EML4: variants seen among roughly 807,000 people sequenced by gnomAD.
EML4 encodes the protein echinoderm microtubule-associated protein-like 4.
A neutral mutation model predicts 129.0 loss-of-function variants in EML4; 72 were observed. That is an observed-to-expected ratio of 0.56 (90% CI 0.46 to 0.68). EML4 has a LOEUF of 0.68. Among genes scored for constraint, EML4 ranks in the 30% least tolerant of loss-of-function variants. EML4 has a pLI of 0.00. For synonymous variants in EML4, 532 were observed against 405.0 expected (o/e 1.31, Z -3.77); for missense variants, 1,363 against 1,190.6 (o/e 1.14, Z -2.13).
intron 1 of EML4, among the ~76,000 whole-genome samples, chr2:42,176,482 G>A (rs1670611528): frequency 6.6e-6 from 1 of 152,108 alleles, no homozygotes; most frequent in South Asian, 2.1e-4. Flanking sequence ...CAAGTCCTCT[G>A]TCATCTCTTT....
intron 9 of EML4, among the ~76,000 whole-genome samples, chr2:42,285,482 T>C (rs1667242472): frequency 6.6e-6 from 1 of 152,208 alleles, no homozygotes; most frequent in South Asian, 2.1e-4. Flanking sequence ...TAGCAGTTTA[T>C]TGGACATTGA....
At chr2:42,281,218 C>G (rs975036266) in intron 7 of EML4, among the ~76,000 whole-genome samples, 1 of 151,878 alleles carries the variant, frequency 6.6e-6, no homozygotes, top group Admixed American at 6.6e-5. Context: ...ATTGTGAAAC[C>G]CCATCTCTAC....
chr2:42,232,002 A>AT (rs200787419), intron 1 of EML4, among the ~76,000 whole-genome samples: 263 of 150,812 alleles, frequency 1.7e-3, no homozygotes, highest in African/African-American at 5.4e-3. Context: ...TCTGGCAGTA[A>AT]TTTTTTTTTT....
At chr2:42,204,239 T>G (rs1211476605) in intron 1 of EML4, among the ~76,000 whole-genome samples, 3 of 152,122 alleles carry the variant, frequency 2.0e-5, no homozygotes, top group African/African-American at 7.2e-5. Context: ...TTAAAAAAAA[T>G]TAGAAGTTTT....
chr2:42,264,658 G>C (rs776800222), intron 5 of EML4, 48 bp from the exon 6 acceptor site: 1 of 1,048,642 alleles, frequency 9.5e-7, no homozygotes, highest in Non-Finnish European at 1.4e-6. Context: ...TTAATGGTTA[G>C]CCATATAAAC....
chr2:42,293,355 C>A (rs748032543), intron 11 of EML4, among the ~76,000 whole-genome samples: 3 of 152,154 alleles, frequency 2.0e-5, no homozygotes, highest in African/African-American at 7.2e-5. Context: ...CCCACCTTGG[C>A]CACCCAAAGC....
chr2:42,251,252 A>C (rs985398177), intron 2 of EML4, among the ~76,000 whole-genome samples: 2 of 152,220 alleles, frequency 1.3e-5, no homozygotes, highest in African/African-American at 4.8e-5. Flanking sequence ...ATATCTAACA[A>C]ACCTAAACAT....
chr2:42,225,817 T>C (rs1673923867), intron 1 of EML4, among the ~76,000 whole-genome samples: 1 of 152,178 alleles, frequency 6.6e-6, no homozygotes, highest in Non-Finnish European at 1.5e-5. Context: ...ATTTCTTACA[T>C]ATGTTAATTT....
intron 1 of EML4, among the ~76,000 whole-genome samples, chr2:42,243,004 C>A (rs1301992674): frequency 6.6e-6 from 1 of 152,080 alleles, no homozygotes; most frequent in African/African-American, 2.4e-5. Flanking sequence ...TCTCGAACTC[C>A]TGGGATCAAG....
intron 1 of EML4, among the ~76,000 whole-genome samples, chr2:42,229,382 C>T (rs1674177419): frequency 3.3e-5 from 5 of 152,094 alleles, no homozygotes; most frequent in South Asian, 4.1e-4. Flanking sequence ...TTTTAAATCC[C>T]AGACAGTCTA....
rs1459670909 is a variant in EML4 at position 42,169,586 on chromosome 2, C to G, written c.-26C>G. 3 of 1,598,064 alleles carry G rather than the reference C, an allele frequency of 1.9e-6. No individual in the cohort carries two copies. ...GAATGAAGTGCCCGCCCCTCTAAGC[C>G]CGGAGCCCGGCGCTTTCCCCGCAAG... On this transcript the variant is annotated 5_prime_UTR_variant, in exon 1 of 23. Transcript: ENST00000318522.
At chr2:42,263,002 T>A (rs1244853430) in intron 4 of EML4, among the ~76,000 whole-genome samples, 176 bp from the exon 5 acceptor site, 1 of 152,222 alleles carries the variant, frequency 6.6e-6, no homozygotes, top group Non-Finnish European at 1.5e-5. Context: ...AATACAGATT[T>A]GGGAATTGCC....
intron 1 of EML4, among the ~76,000 whole-genome samples, chr2:42,233,340 C>G (rs868234340): frequency 2.0e-5 from 3 of 149,630 alleles, no homozygotes; most frequent in African/African-American, 7.4e-5. Context: ...GAGTCTCACT[C>G]TGTCGCCCAG....
At chr2:42,228,143 C>T (rs1674095691) in intron 1 of EML4, among the ~76,000 whole-genome samples, 2 of 151,964 alleles carry the variant, frequency 1.3e-5, no homozygotes, top group Non-Finnish European at 2.9e-5. Context: ...ATTGCTTGAG[C>T]CTGGGAGGCC....
At chr2:42,204,080 G>A (rs972516347) in intron 1 of EML4, among the ~76,000 whole-genome samples, 1 of 151,936 alleles carries the variant, frequency 6.6e-6, no homozygotes. Flanking sequence ...CCACTACCCC[G>A]GGCTAATTTT....
intron 1 of EML4, among the ~76,000 whole-genome samples, chr2:42,212,207 C>T (rs1359681654): frequency 6.6e-6 from 1 of 152,056 alleles, no homozygotes; most frequent in African/African-American, 2.4e-5. Context: ...TGGTACTCAG[C>T]TGTTTTGGAG....
At chr2:42,287,232 T>C (rs1015996894) in intron 10 of EML4, among the ~76,000 whole-genome samples, 5 of 152,202 alleles carry the variant, frequency 3.3e-5, no homozygotes, top group Admixed American at 6.5e-5. Context: ...TTAGGAACTT[T>C]GCTAGCTTGA....
chr2:42,304,475 C>G lies in EML4; in HGVS notation c.1900-9C>G. ...TGTACTCCCCAACAGCTGTCTGTCT[C>G]TTTTCTAGGAACCAGGACACTGTGC... On this transcript the variant is annotated splice_polypyrimidine_tract_variant and intron_variant, in intron 16 of 22. Coordinates refer to ENST00000318522, the MANE Select transcript of EML4 (RefSeq NM_019063.5). 1.2e-6 allele frequency: 2 copies of G among 1,613,682 alleles called. No homozygotes were observed.
intron 7 of EML4, among the ~76,000 whole-genome samples, chr2:42,282,439 A>T (rs889607355): frequency 6.6e-6 from 1 of 152,044 alleles, no homozygotes; most frequent in Admixed American, 6.5e-5. Context: ...CCCAGGCTGG[A>T]GTGCAGTGGC....
Sources: gnomAD v4.1 joint callset for allele counts (sites outside exome capture counted in the v4.1 genomes callset) on GRCh38, gnomAD v4.1.1 for gene constraint, MANE v1.5 for transcripts, NCBI Gene and HGNC (gene_info 2026-07-23, HGNC 2026-07-21) for gene names.